Variants in PSMD4 observed in about 807,000 individuals in gnomAD.
PSMD4 encodes 26S proteasome non-ATPase regulatory subunit 4.
In PSMD4, 5 loss-of-function variants were observed where a neutral mutation model predicts 39.7. The observed-to-expected ratio is 0.13, with a 90% CI of 0.07 to 0.26. The LOEUF (loss-of-function observed/expected upper bound fraction) is 0.26, where lower values mean the gene tolerates loss of function less well. Ranked by LOEUF, PSMD4 falls within the 10% of genes least tolerant of loss-of-function variation. PSMD4 has a pLI of 1.00. For missense variants in PSMD4, 272 were observed against 486.1 expected (o/e 0.56, Z 4.14); for synonymous variants, 143 against 174.6 (o/e 0.82, Z 1.43).
intron 3 of PSMD4, among the ~76,000 whole-genome samples, chr1:151,264,612 A>C (rs910315745): frequency 6.8e-6 from 1 of 146,534 alleles, no homozygotes; most frequent in African/African-American, 2.5e-5. Context: ...CTCCATCTCA[A>C]AAAAAAAAAA....
At chr1:151,255,567 A>C (rs1693145992) in intron 1 of PSMD4, among the ~76,000 whole-genome samples, 1 of 152,106 alleles carries the variant, frequency 6.6e-6, no homozygotes, top group Non-Finnish European at 1.5e-5. Context: ...GTTCCTTCTA[A>C]GTGTAATCAC....
At chr1:151,264,719 A>C (rs1404391652) in intron 3 of PSMD4, 113 bp from the exon 4 acceptor site, 2 of 773,862 alleles carry the variant, frequency 2.6e-6, no homozygotes, top group Non-Finnish European at 4.5e-6. Context: ...ACGTGATGGT[A>C]GATGGTGTAC....
Position 151,267,190 on chromosome 1 carries a change from C to T in PSMD4, c.981C>T (p.Asp327=), listed in dbSNP as rs587686187. ...GTTTGCAGGAGGAGGATGATTACGA[C>T]GTGATGCAGGACCCCGAGTTCCTTC... The part of the protein sequence containing the change: ...SEPAKEEDDY[D]VMQDPEFLQS... Residue 327 remains aspartate (D), a synonymous_variant, in exon 10 of 10, where the codon GAC becomes GAT. Transcript: ENST00000368884. 16 of 1,613,908 alleles carry T rather than the reference C, an allele frequency of 9.9e-6. No individual in the cohort carries two copies. The highest frequency in any genetic ancestry group is 3.3e-5 in the Admixed American group (2 of 60,010).
intron 1 of PSMD4, among the ~76,000 whole-genome samples, chr1:151,258,015 T>TTG (rs1273498203): frequency 6.6e-6 from 1 of 151,838 alleles, no homozygotes; most frequent in Non-Finnish European, 1.5e-5. Context: ...ATTCCTAGGT[T>TTG]TGTTTGTCTA....
At chr1:151,259,734 AAAT>A (rs757460228) in intron 1 of PSMD4, among the ~76,000 whole-genome samples, 5 of 152,040 alleles carry the variant, frequency 3.3e-5, no homozygotes, top group Non-Finnish European at 7.4e-5. Flanking sequence ...ATAAAATAAA[AAAT>A]AAATAAAAAA....
rs749774120 is a variant in PSMD4, at chr1:151,266,080, C to T, written c.731C>T (p.Ala244Val). ...CGGCGGGCAGCTGCAGCTTCTGCTG[C>T]TGAGGCCGGGATTGCTACGACTGGG... The part of the protein sequence containing the change: ...EARRAAAASA[A>V]EAGIATTGTE... The change falls in exon 7 of 10, where the codon GCT becomes GTT. Residue 244 changes from alanine (A) to valine (V), a missense_variant. Physicochemically the swap from Ala to Val is moderately conservative, Grantham distance 64. Coordinates refer to ENST00000368884, the MANE Select transcript of PSMD4 (RefSeq NM_002810.4). 4 of 1,607,818 alleles carry T rather than the reference C, an allele frequency of 2.5e-6. No individual in the cohort carries two copies. The South Asian group carries it at 4.4e-5, about 18-fold the overall frequency.
chr1:151,265,976 G>T, intron 6 of PSMD4, 28 bp from the exon 7 acceptor site: 1 of 1,545,234 alleles, frequency 6.5e-7, no homozygotes, highest in Non-Finnish European at 8.7e-7. Flanking sequence ...GGGCAGGGGA[G>T]CCCTGATTAT....
chr1:151,256,539 A>G (rs1033219023), intron 1 of PSMD4, among the ~76,000 whole-genome samples: 1 of 149,348 alleles, frequency 6.7e-6, no homozygotes, highest in Non-Finnish European at 1.5e-5. Flanking sequence ...CCCTGGTTCA[A>G]GTGATTCTCC....
chr1:151,266,077 C>T lies in PSMD4; in HGVS notation c.728C>T (p.Ala243Val), dbSNP rs770259111. The change falls in exon 7 of 10, where the codon GCT becomes GTT. Residue 243 changes from alanine (A) to valine (V), a missense_variant. Around this residue, in one of 3 missense-constraint regions of PSMD4, gnomAD observed 113 missense variants for 184.6 expected, o/e 0.61. Coordinates refer to ENST00000368884, the MANE Select transcript of PSMD4 (RefSeq NM_002810.4). ...EEARRAAAASAAEAGIATTGT... is the reference protein window; with the variant it reads ...EEARRAAAASVAEAGIATTGT... Reference sequence around the variant, plus strand: ...GCCCGGCGGGCAGCTGCAGCTTCTGCTGCTGAGGCCGGGATTGCTACGACT... The same window carrying T: ...GCCCGGCGGGCAGCTGCAGCTTCTGTTGCTGAGGCCGGGATTGCTACGACT... 6 of 1,607,616 alleles carry T rather than the reference C, an allele frequency of 3.7e-6. No homozygotes were observed. In the Admixed American group the frequency reaches 8.5e-5, roughly 23 times the overall value.
At position 151,267,236 on chromosome 1, in the gene PSMD4, C is replaced by G; in HGVS notation, c.1027C>G (p.Pro343Ala). The G allele has an allele frequency of 6.2e-7, 1 of 1,613,900 alleles. No homozygotes were observed. The highest frequency in any genetic ancestry group is 8.5e-7 in the Non-Finnish European group (1 of 1,179,846). The change falls in exon 10 of 10, where the codon CCA becomes GCA. Residue 343 changes from proline to alanine, a missense_variant. Physicochemically the swap from Pro to Ala is conservative, Grantham distance 27. Around this residue, in one of 3 missense-constraint regions of PSMD4, gnomAD observed 113 missense variants for 184.6 expected, o/e 0.61. Transcript: ENST00000368884. Reference protein sequence around the residue: ...EFLQSVLENLPGVDPNNEAIR... With the variant: ...EFLQSVLENLAGVDPNNEAIR... Reference sequence around the variant, plus strand: ...CCTTCAGAGTGTCCTAGAGAACCTCCCAGGTGTGGATCCCAACAATGAAGC... The same window carrying G: ...CCTTCAGAGTGTCCTAGAGAACCTCGCAGGTGTGGATCCCAACAATGAAGC...
chr1:151,263,875 C>A, intron 2 of PSMD4, 39 bp from the exon 3 acceptor site: 1 of 1,375,086 alleles, frequency 7.3e-7, no homozygotes, highest in Non-Finnish European at 1.0e-6. Context: ...GGTACTTGTG[C>A]TGACCTGAAT....
intron 1 of PSMD4, among the ~76,000 whole-genome samples, chr1:151,255,643 TTTC>T (rs1204548794): frequency 6.6e-6 from 1 of 152,180 alleles, no homozygotes; most frequent in African/African-American, 2.4e-5. Context: ...ACCTATGAGA[TTTC>T]TTCTTTTTAT....
chr1:151,258,766 T>C (rs890956321), intron 1 of PSMD4, among the ~76,000 whole-genome samples: 2 of 152,028 alleles, frequency 1.3e-5, no homozygotes, highest in Non-Finnish European at 2.9e-5. Flanking sequence ...CAGCCTGTAT[T>C]CTCTTTTAAA....
chr1:151,255,571 T>C (rs1050118631), intron 1 of PSMD4, among the ~76,000 whole-genome samples: 5 of 152,120 alleles, frequency 3.3e-5, no homozygotes, highest in Non-Finnish European at 7.3e-5. Context: ...CTTCTAAGTG[T>C]AATCACTGAA....
intron 6 of PSMD4, 144 bp downstream of exon 6, chr1:151,265,753 C>G: frequency 1.0e-6 from 1 of 964,706 alleles, no homozygotes; most frequent in Non-Finnish European, 1.5e-6. Context: ...GCCGCCTCTT[C>G]CCTATAATGC....
At position 151,265,937 on chromosome 1, in the gene PSMD4, C is replaced by A. The variant is rs587696917; in HGVS notation, c.655-67C>A. The A allele has an allele frequency of 6.0e-5, 90 of 1,504,152 alleles. No homozygotes were observed. The African/African-American group carries it at 1.1e-3, about 18-fold the overall frequency. 93.2% of individuals were successfully genotyped at this position (1,504,152 alleles called of 1,614,324 possible). A position where few individuals can be genotyped will look rare whatever the true frequency, so the allele number is the denominator to read the frequency against. ...TTTATGTTCCTTTCCCACACCCCAA[C>A]TGACTTTCCCAGCTCCCTGTAGGAG... On this transcript the variant is annotated intron_variant, in intron 6 of 9. Transcript: ENST00000368884.
chr1:151,260,531 C>T (rs16833107), intron 1 of PSMD4, among the ~76,000 whole-genome samples: 19,191 of 152,108 alleles, frequency 0.13, 1,277 homozygotes, highest in Admixed American at 0.16. Context: ...TTGCATTGTA[C>T]TTTTCTGCAC....
chr1:151,262,550 G>A lies in PSMD4; in HGVS notation c.167+249G>A, dbSNP rs1693339737. The A allele has an allele frequency of 4.6e-5, 22 of 474,822 alleles. No homozygotes were observed. In the South Asian group the frequency reaches 5.1e-4, roughly 11 times the overall value. 29.4% of individuals were successfully genotyped at this position (474,822 alleles called of 1,614,324 possible). A position where few individuals can be genotyped will look rare whatever the true frequency, so the allele number is the denominator to read the frequency against. ...GTTGGGCAGGGCTAGGGTAGGGGGT[G>A]AAATTTCATAATATATTTTAAAGTC... On this transcript the variant is annotated intron_variant, in intron 2 of 9. Coordinates refer to ENST00000368884, the MANE Select transcript of PSMD4 (RefSeq NM_002810.4).
At chr1:151,267,106 G>T (rs1693468606) in intron 9 of PSMD4, 67 bp from the exon 10 acceptor site, 3 of 1,586,626 alleles carry the variant, frequency 1.9e-6, no homozygotes, top group Non-Finnish European at 1.7e-6. Context: ...GCATGCTCCT[G>T]TCCTTAACAC....
Sources: allele counts gnomAD v4.1 joint callset (sites outside exome capture counted in the v4.1 genomes callset), GRCh38; gene constraint gnomAD v4.1.1; regional missense constraint gnomAD v4.1.1; transcripts MANE v1.5; gene names NCBI Gene and HGNC (gene_info 2026-07-23, HGNC 2026-07-21).